RBM28: variants seen among roughly 807,000 people sequenced by gnomAD.
RBM28 encodes RNA-binding protein 28.
Under a neutral mutation model 98.3 loss-of-function variants are expected in RBM28, and 78 were observed. The ratio of observed to expected loss-of-function variants is 0.79; its 90% CI spans 0.66 to 0.96. The LOEUF (loss-of-function observed/expected upper bound fraction) is 0.96. Ranked by LOEUF, RBM28 falls within the 40% of genes least tolerant of loss-of-function variation. RBM28 has a pLI of 0.00. For synonymous variants in RBM28, 306 were observed against 330.9 expected (o/e 0.92, Z 0.82); for missense variants, 838 against 913.0 (o/e 0.92, Z 1.06).
At chr7:128,340,126 G>C (rs1164709512) in intron 1 of RBM28, among the ~76,000 whole-genome samples, 1 of 152,004 alleles carries the variant, frequency 6.6e-6, no homozygotes, top group African/African-American at 2.4e-5. Flanking sequence ...ACATCAAAAA[G>C]AACAAAACAT....
At position 128,339,165 on chromosome 7, in the gene RBM28, T is replaced by C; in HGVS notation, c.372+62A>G. ...CCATCTTGGTGAGGAGTTCTACTAA[T>C]GATCACATCTTGGCTCTAAAAGCCT... On this transcript the variant is annotated intron_variant, in intron 3 of 18. Coordinates refer to ENST00000223073, the MANE Select transcript of RBM28 (RefSeq NM_018077.3). The C allele has an allele frequency of 9.6e-6, 13 of 1,360,654 alleles. No homozygotes were observed. In the South Asian group the frequency reaches 1.4e-4, roughly 15 times the overall value. The allele number at this position is 1,360,654 out of a possible 1,614,324, so 84.3% of individuals were successfully genotyped here.
chr7:128,331,290 A>G (rs911588459), intron 9 of RBM28, among the ~76,000 whole-genome samples: 2 of 151,192 alleles, frequency 1.3e-5, no homozygotes, highest in Non-Finnish European at 2.9e-5. Flanking sequence ...ACTGAGCTAT[A>G]TGCTTAGATT....
At chr7:128,311,701 T>C (rs114352000) in intron 18 of RBM28, among the ~76,000 whole-genome samples, 3,713 of 151,886 alleles carry the variant, frequency 0.024, 135 homozygotes, top group African/African-American at 0.085. Context: ...GATTTCATAA[T>C]ACTAAAAAAT....
At chr7:128,341,533 A>G (rs1796724580) in intron 1 of RBM28, among the ~76,000 whole-genome samples, 1 of 152,250 alleles carries the variant, frequency 6.6e-6, no homozygotes, top group Non-Finnish European at 1.5e-5. Flanking sequence ...ACTTCATTCC[A>G]CATACCCTCC....
At chr7:128,329,888 CAAA>C (rs398006204) in intron 10 of RBM28, among the ~76,000 whole-genome samples, 1 of 101,620 alleles carries the variant, frequency 9.8e-6, no homozygotes. Context: ...GACTCCGTCT[CAAA>C]AAAAAAAAAA....
intron 3 of RBM28, 149 bp downstream of exon 3, chr7:128,339,078 G>A: frequency 2.5e-6 from 2 of 815,734 alleles, no homozygotes; most frequent in Non-Finnish European, 4.2e-6. Context: ...TATTACACAG[G>A]CCCACTTTCT....
chr7:128,337,039 TCTTACA>T, intron 6 of RBM28, 86 bp downstream of exon 6: 3 of 1,400,818 alleles, frequency 2.1e-6, no homozygotes, highest in Non-Finnish European at 3.0e-6. Flanking sequence ...CCAGCCTTTT[TCTTACA>T]CTTTTATCAT....
At chr7:128,333,573 CCAGGCGTGGTAG>C (rs1371351972) in intron 8 of RBM28, among the ~76,000 whole-genome samples, 1 of 152,114 alleles carries the variant, frequency 6.6e-6, no homozygotes, top group Non-Finnish European at 1.5e-5. Flanking sequence ...CAAAAATTAG[CCAGGCGTGGTAG>C]CAGGCACCTA....
At chr7:128,332,164 A>G (rs553081277) in intron 9 of RBM28, among the ~76,000 whole-genome samples, 2 of 152,306 alleles carry the variant, frequency 1.3e-5, no homozygotes, top group South Asian at 4.1e-4. Context: ...TTTAAAACAC[A>G]TGGAAAGACA....
intron 15 of RBM28, 87 bp downstream of exon 15, chr7:128,317,870 T>C: frequency 1.9e-6 from 3 of 1,573,064 alleles, no homozygotes; most frequent in Non-Finnish European, 1.7e-6. Flanking sequence ...ACCCCTCAAA[T>C]GTCAGAGGAC....
Position 128,338,927 on chromosome 7 carries a change from G to A in RBM28, c.373-126C>T. The stretch of plus-strand genomic sequence containing the variant: ...TTACTTTTTTTTATTTTTGATACTA[G>A]GACATCAAATGTTTCTAAATAGAAG... On this transcript the variant is annotated intron_variant, in intron 3 of 18. Coordinates refer to ENST00000223073, the MANE Select transcript of RBM28 (RefSeq NM_018077.3). 3.8e-6 allele frequency: 3 copies of A among 789,248 alleles called. No individual in the cohort carries two copies. The Admixed American group carries it at 6.1e-5, about 16-fold the overall frequency. 48.9% of individuals were successfully genotyped at this position (789,248 alleles called of 1,614,324 possible). A position where few individuals can be genotyped will look rare whatever the true frequency, so the allele number is the denominator to read the frequency against.
chr7:128,324,762 C>T (rs936514150), intron 11 of RBM28, 68 bp from the exon 12 acceptor site: 27 of 1,607,228 alleles, frequency 1.7e-5, no homozygotes, highest in Admixed American at 5.0e-5. Context: ...ACCTGTAAAC[C>T]GAGCACTTTG....
Position 128,324,639 on chromosome 7 carries a change from C to T in RBM28, c.1259G>A (p.Arg420His), listed in dbSNP as rs754623049. The part of the protein sequence containing the change: ...RQLKVDLAVT[R>H]DEAAKLQTTK... ...CGTCTGAAGCTTTGCAGCCTCATCA[C>T]GGGTCACCGCCAAGTCAACCTTGAG... The change falls in exon 12 of 19, where the codon CGT (arginine) becomes CAT (histidine). Residue 420 changes from arginine (R) to histidine (H), a missense_variant. Physicochemically the swap from Arg to His is conservative, Grantham distance 29. Transcript: ENST00000223073. 1.2e-5 allele frequency: 20 copies of T among 1,614,080 alleles called. No individual in the cohort carries two copies. The highest frequency in any genetic ancestry group is 5.0e-5 in the Admixed American group (3 of 59,992).
rs1289798912 is a variant in RBM28, at chr7:128,308,349, G to GTTTCTTTTGCTGTGCAGAAGCTTT, written c.*2447_*2448insAAAGCTTCTGCACAGCAAAAGAAA. 1 of 152,202 alleles carries GTTTCTTTTGCTGTGCAGAAGCTTT rather than the reference G, an allele frequency of 6.6e-6. No individual in the cohort carries two copies. Among genetic ancestry groups the GTTTCTTTTGCTGTGCAGAAGCTTT allele is most frequent in the Admixed American group, 6.5e-5 (1 of 15,282 alleles). 9.4% of individuals were successfully genotyped at this position (152,202 alleles called of 1,614,324 possible). On this transcript the variant is annotated 3_prime_UTR_variant, in exon 19 of 19. Coordinates refer to ENST00000223073, the MANE Select transcript of RBM28 (RefSeq NM_018077.3). ...TAAGTGTTAAGATATATTTTTGAAT[G>GTTTCTTTTGCTGTGCAGAAGCTTT]TTAAAGATATTCGTGTACTAGGGAA...
In RBM28 at chr7:128,339,183, A is replaced by G. The variant is rs202114755; in HGVS notation, c.372+44T>C. ...CTACTAATGATCACATCTTGGCTCT[A>G]AAAGCCTTCAAAACATGCAATGTTC... On this transcript the variant is annotated intron_variant, in intron 3 of 18. Coordinates refer to ENST00000223073, the MANE Select transcript of RBM28 (RefSeq NM_018077.3). 51 of 1,497,404 alleles carry G rather than the reference A, an allele frequency of 3.4e-5. No individual in the cohort carries two copies. In the East Asian group the frequency reaches 1.2e-3, roughly 34 times the overall value. 92.8% of individuals were successfully genotyped at this position (1,497,404 alleles called of 1,614,324 possible).
At chr7:128,312,048 A>G (rs1795995710) in intron 18 of RBM28, among the ~76,000 whole-genome samples, 1 of 152,138 alleles carries the variant, frequency 6.6e-6, no homozygotes, top group South Asian at 2.1e-4. Flanking sequence ...ATCACTAAAA[A>G]TGGGCAACCA....
In RBM28 at chr7:128,321,362, G is replaced by A; in HGVS notation, c.1467C>T (p.Leu489=). The A allele has an allele frequency of 6.2e-7, 1 of 1,614,206 alleles. No homozygotes were observed. Among genetic ancestry groups the A allele is most frequent in the Non-Finnish European group, 8.5e-7 (1 of 1,180,024 alleles). Reference sequence around the variant, plus strand: ...CAGCCTTTGGGAGATTGTGCAGGCAGAGCCTGGTTCGGGAGACAAAGATAT... The same window carrying A: ...CAGCCTTTGGGAGATTGTGCAGGCAAAGCCTGGTTCGGGAGACAAAGATAT... ...DQNIFVSRTR[L]CLHNLPKAVD... The change falls in exon 14 of 19, where the codon CTC becomes CTT. Residue 489 remains leucine (L), a synonymous_variant. Coordinates refer to ENST00000223073, the MANE Select transcript of RBM28 (RefSeq NM_018077.3).
Position 128,324,691 on chromosome 7 carries a change from C to A in RBM28, c.1207G>T (p.Gly403Cys). 6.2e-7 allele frequency: 1 copy of A among 1,614,154 alleles called. No individual in the cohort carries two copies. The highest frequency in any genetic ancestry group is 8.5e-7 in the Non-Finnish European group (1 of 1,180,024). The change falls in exon 12 of 19, where the codon GGT becomes TGT. Residue 403 changes from glycine to cysteine, a missense_variant. By Grantham distance (159) the Gly-to-Cys change is radical. Transcript: ENST00000223073. ...LLAASPENEAGGLKLDGRQLK... is the reference protein window; with the variant it reads ...LLAASPENEACGLKLDGRQLK... The stretch of plus-strand genomic sequence containing the variant: ...TGCCGGCCATCCAGTTTAAGCCCAC[C>A]AGCCTGTAACAGATCACAACCCTTT...
chr7:128,343,758 CG>C lies in RBM28; in HGVS notation c.35del (p.Pro12ArgfsTer19). ...CCAGCTGCTCACTGCGGGCCGAGGG[CG>C]GGAGGCGGCCCACAAATAAGGTCAG... Reference protein sequence around the residue: ...AGLTLFVGRLPPSARSEQLEE... With the variant: ...AGLTLFVGRLXPSARSEQLEE... On this transcript the variant is annotated frameshift_variant, in exon 1 of 19. Transcript: ENST00000223073. LOFTEE classifies it high-confidence loss of function. 1 of 1,609,562 alleles carries C rather than the reference CG, an allele frequency of 6.2e-7. No homozygotes were observed. The highest frequency in any genetic ancestry group is 8.5e-7 in the Non-Finnish European group (1 of 1,177,800).
Sources: allele counts gnomAD v4.1 joint callset (sites outside exome capture counted in the v4.1 genomes callset), GRCh38; gene constraint gnomAD v4.1.1; transcripts MANE v1.5; gene names NCBI Gene and HGNC (gene_info 2026-07-23, HGNC 2026-07-21).